Variants in CEP350 observed in about 807,000 individuals in gnomAD.
The protein encoded by CEP350 is centrosomal protein 350.
Under a neutral mutation model 331.8 loss-of-function variants are expected in CEP350, and 126 were observed. That is an observed-to-expected ratio of 0.38 (90% CI 0.33 to 0.44). CEP350 has a LOEUF of 0.44. CEP350 is among the 20% of genes least tolerant of loss of function. The pLI, the probability that CEP350 is intolerant of heterozygous loss-of-function variation, is 1.00. For synonymous variants in CEP350, 1,200 were observed against 1,259.5 expected, an observed-to-expected ratio of 0.95 and a Z score of 1.00; for missense variants, 3,406 against 3,634.6, an observed-to-expected ratio of 0.94 and a Z score of 1.62.
rs1351402023 is a variant in CEP350 at position 180,048,608 on chromosome 1, T to C, written c.4695T>C (p.Asn1565=). The part of the protein sequence containing the change: ...PSCKENEKKL[N]GEKIESSIDE... Reference sequence around the variant, plus strand: ...GTAAGGAAAATGAGAAGAAACTTAATGGTGAAAAGATAGAGAGTTCCATTG... The same window carrying C: ...GTAAGGAAAATGAGAAGAAACTTAACGGTGAAAAGATAGAGAGTTCCATTG... The change falls in exon 22 of 38, where the codon AAT becomes AAC. Residue 1565 remains asparagine (N), a synonymous_variant. Transcript: ENST00000367607. The C allele has an allele frequency of 1.9e-6, 3 of 1,610,192 alleles. No individual in the cohort carries two copies. The highest frequency in any genetic ancestry group is 1.6e-4 in the Middle Eastern group (1 of 6,062).
chr1:179,975,198 A>G (rs1651768918), intron 1 of CEP350, among the ~76,000 whole-genome samples: 1 of 152,152 alleles, frequency 6.6e-6, no homozygotes, highest in Non-Finnish European at 1.5e-5. Flanking sequence ...GATATTCAGA[A>G]AGTGTACTCT....
At chr1:180,042,957 C>A (rs1656864809) in intron 19 of CEP350, 99 bp from the exon 20 acceptor site, 1 of 1,368,786 alleles carries the variant, frequency 7.3e-7, no homozygotes. Flanking sequence ...TGCTTGTTCT[C>A]AAGTCAGTGA....
At chr1:180,047,211 G>T (rs1267383554) in intron 21 of CEP350, among the ~76,000 whole-genome samples, 1 of 152,158 alleles carries the variant, frequency 6.6e-6, no homozygotes, top group Non-Finnish European at 1.5e-5. Flanking sequence ...ATGTGCTGAG[G>T]ATCCTAAGTA....
chr1:180,090,889 T>A, intron 33 of CEP350, 93 bp downstream of exon 33: 1 of 1,082,182 alleles, frequency 9.2e-7, no homozygotes, highest in Non-Finnish European at 1.2e-6. Context: ...GCTTTTTTAT[T>A]AAAAAGTGAA....
intron 34 of CEP350, 150 bp downstream of exon 34, chr1:180,094,766 A>G (rs1316160131): frequency 2.1e-5 from 19 of 890,946 alleles, no homozygotes; most frequent in Non-Finnish European, 3.0e-5. Flanking sequence ...GGATCACTGT[A>G]CTGGTTTTTA....
At chr1:179,967,922 T>C (rs756755155) in intron 1 of CEP350, among the ~76,000 whole-genome samples, 15 of 152,216 alleles carry the variant, frequency 9.9e-5, no homozygotes, top group Non-Finnish European at 1.9e-4. Context: ...ATATGTGTAT[T>C]TGTGCCTTTT....
At chr1:180,109,632 TTTTG>T (rs993945369) in intron 37 of CEP350, among the ~76,000 whole-genome samples, 7 of 151,994 alleles carry the variant, frequency 4.6e-5, no homozygotes, top group Admixed American at 6.5e-5. Flanking sequence ...AATGTGTTTT[TTTTG>T]TTTGTTTGTT....
chr1:180,080,459 A>G (rs1174277482), intron 29 of CEP350, 58 bp from the exon 30 acceptor site: 5 of 1,496,098 alleles, frequency 3.3e-6, no homozygotes, highest in Non-Finnish European at 4.6e-6. Context: ...TCAAATTTTA[A>G]ATAGAATTTT....
intron 31 of CEP350, 166 bp downstream of exon 31, chr1:180,084,344 T>G: frequency 1.9e-6 from 1 of 520,046 alleles, no homozygotes; most frequent in Non-Finnish European, 3.2e-6. Context: ...AGGACATTCT[T>G]GCTTAAAACA....
At chr1:179,958,160 CT>C (rs971244019) in intron 1 of CEP350, among the ~76,000 whole-genome samples, 5 of 151,724 alleles carry the variant, frequency 3.3e-5, no homozygotes, top group Non-Finnish European at 5.9e-5. Context: ...CAAAATGGGC[CT>C]TTTTTTTCAT....
chr1:180,003,529 T>C (rs1359976914), intron 7 of CEP350, among the ~76,000 whole-genome samples: 1 of 152,176 alleles, frequency 6.6e-6, no homozygotes, highest in East Asian at 1.9e-4. Flanking sequence ...TGAGGGACTT[T>C]CAGAGTTGGG....
Position 180,111,119 on chromosome 1 carries a change from G to A in CEP350, c.9312G>A (p.Leu3104=), listed in dbSNP as rs775723230. The change falls in exon 38 of 38, where the codon CTG becomes CTA. Residue 3104 remains leucine (L), a synonymous_variant. Coordinates refer to ENST00000367607, the MANE Select transcript of CEP350 (RefSeq NM_014810.5). ...ETLIKDTIDV[L]NQISEKQGRM... Reference sequence around the variant, plus strand: ...TGATCAAAGATACTATTGATGTTCTGAATCAGATCAGTGAAAAGCAGGGGA... The same window carrying A: ...TGATCAAAGATACTATTGATGTTCTAAATCAGATCAGTGAAAAGCAGGGGA... The A allele has an allele frequency of 1.2e-6, 2 of 1,613,986 alleles. No homozygotes were observed. The highest frequency in any genetic ancestry group is 3.3e-5 in the Admixed American group (2 of 60,022).
intron 8 of CEP350, among the ~76,000 whole-genome samples, chr1:180,007,879 T>TG (rs1571858603): frequency 6.8e-5 from 10 of 146,298 alleles, no homozygotes; most frequent in South Asian, 4.3e-4. Context: ...TGTGTGTGTG[T>TG]TAAGGGGTAA....
At chr1:179,998,009 C>CT (rs56355350) in intron 6 of CEP350, among the ~76,000 whole-genome samples, 6 of 147,228 alleles carry the variant, frequency 4.1e-5, no homozygotes, top group Admixed American at 1.4e-4. Context: ...CTCTTTAGAG[C>CT]TTTTTTTTTT....
At chr1:179,971,646 A>AAG in intron 1 of CEP350, among the ~76,000 whole-genome samples, 1 of 152,174 alleles carries the variant, frequency 6.6e-6, no homozygotes, top group African/African-American at 2.4e-5. Flanking sequence ...AAAATGGAAA[A>AAG]TAACTAACTG....
At chr1:180,073,974 T>G in intron 27 of CEP350, 1 of 1,267,416 alleles carries the variant, frequency 7.9e-7, no homozygotes, top group Non-Finnish European at 1.0e-6. Flanking sequence ...GTTTGTTTTG[T>G]TTGCTTTTCT....
Position 180,020,549 on chromosome 1 carries a change from G to A in CEP350, c.2775G>A (p.Met925Ile). 1 of 1,614,000 alleles carries A rather than the reference G, an allele frequency of 6.2e-7. No homozygotes were observed. The highest frequency in any genetic ancestry group is 2.2e-5 in the East Asian group (1 of 44,892). Residue 925 changes from methionine to isoleucine, a missense_variant, in exon 12 of 38, where the codon ATG becomes ATA. Met to Ile is a conservative substitution (Grantham distance 10). Transcript: ENST00000367607. ...NLSEFKKLPEMIRPQSAISSF... is the reference protein window; with the variant it reads ...NLSEFKKLPEIIRPQSAISSF... ...GTGAATTTAAAAAGCTTCCTGAGAT[G>A]ATAAGACCACAGAGTGCCATATCAA...
intron 32 of CEP350, among the ~76,000 whole-genome samples, chr1:180,088,199 G>C (rs1196336450): frequency 6.6e-6 from 1 of 152,044 alleles, no homozygotes; most frequent in Non-Finnish European, 1.5e-5. Flanking sequence ...GCCAAAAATG[G>C]ATGAATAGCT....
intron 37 of CEP350, among the ~76,000 whole-genome samples, chr1:180,104,108 T>C (rs1661009208): frequency 6.7e-6 from 1 of 149,134 alleles, no homozygotes; most frequent in Non-Finnish European, 1.5e-5. Flanking sequence ...ATTTTTGTTA[T>C]ATTTTATCTA....
Sources: allele counts gnomAD v4.1 joint callset (sites outside exome capture counted in the v4.1 genomes callset), GRCh38; gene constraint gnomAD v4.1.1; transcripts MANE v1.5; gene names NCBI Gene and HGNC (gene_info 2026-07-23, HGNC 2026-07-21).